ZSCAN5B: variants seen among roughly 807,000 people sequenced by gnomAD.
ZSCAN5B encodes zinc finger and SCAN domain containing 5B.
Under a neutral mutation model 25.2 loss-of-function variants are expected in ZSCAN5B, and 26 were observed. The ratio of observed to expected loss-of-function variants is 1.03; its 90% CI spans 0.76 to 1.43. ZSCAN5B has a LOEUF of 1.43. Among genes scored for constraint, ZSCAN5B ranks in the 40% most tolerant of loss-of-function variants. The probability of loss-of-function intolerance (pLI) is 0.00; values close to 1 mark genes in which losing one functional copy is unlikely to be tolerated. For synonymous variants in ZSCAN5B, 244 were observed against 240.9 expected (o/e 1.01, Z -0.12); for missense variants, 745 against 622.1 (o/e 1.20, Z -2.10).
At chr19:56,193,538 A>G (rs1483455614) in intron 1 of ZSCAN5B, among the ~76,000 whole-genome samples, 1 of 152,244 alleles carries the variant, frequency 6.6e-6, no homozygotes, top group Non-Finnish European at 1.5e-5. Context: ...ATCCAAGGCA[A>G]AGCCCTTAGT....
chr19:56,189,737 T>G, exon 5 of ZSCAN5B: 1 of 1,447,844 alleles, frequency 6.9e-7, no homozygotes, highest in Non-Finnish European at 9.2e-7. Context: ...TCCTACCAAG[T>G]GCTTTATGTG....
chr19:56,191,952 G>A lies in ZSCAN5B; in HGVS notation c.486C>T (p.Ser162=), dbSNP rs1238594345. 6 of 1,613,964 alleles carry A rather than the reference G, an allele frequency of 3.7e-6. No homozygotes were observed. In the South Asian group the frequency reaches 6.6e-5, roughly 18 times the overall value. ...GGTTCACAGAGGAGGCCCACTGGCT[G>A]GACACGTCTCTCGGATCATCTCTGA... The change falls in exon 3 of 5, where the codon TCC becomes TCT. Residue 162 remains serine (S), a synonymous_variant. Coordinates refer to ENST00000586855, the Ensembl canonical transcript of ZSCAN5B.
At chr19:56,191,182 C>T (rs1457721009) in intron 3 of ZSCAN5B, among the ~76,000 whole-genome samples, 195 bp from the exon 4 acceptor site, 2 of 152,046 alleles carry the variant, frequency 1.3e-5, no homozygotes, top group African/African-American at 2.4e-5. Context: ...CTTTGCCTGG[C>T]GGTTTTCACT....
exon 2 of ZSCAN5B, chr19:56,192,986 G>C (rs773169405): frequency 1.2e-6 from 2 of 1,607,306 alleles, no homozygotes; most frequent in Non-Finnish European, 1.7e-6. Flanking sequence ...ACAGACCGTG[G>C]AGTGTCTGAC....
chr19:56,193,974 A>C (rs1047343801), intron 1 of ZSCAN5B, among the ~76,000 whole-genome samples: 1 of 143,984 alleles, frequency 6.9e-6, no homozygotes, highest in Non-Finnish European at 1.5e-5. Context: ...AAAAAAAAAA[A>C]ATCCTATGAG....
intron 1 of ZSCAN5B, among the ~76,000 whole-genome samples, chr19:56,193,453 C>T (rs550984785): frequency 2.0e-5 from 3 of 152,290 alleles, no homozygotes; most frequent in East Asian, 1.9e-4. Context: ...TAAATTAAAT[C>T]GGATATGTAT....
Position 56,191,842 on chromosome 19 carries a change from A to G in ZSCAN5B, c.588+8T>C, listed in dbSNP as rs749505317. On this transcript the variant is annotated splice_region_variant and intron_variant, in intron 3 of 4. Transcript: ENST00000586855. Reference sequence around the variant, plus strand: ...CTCTGCCCAGACACCAAGGCCTCACACACTCACCTGCCTCCTGGACAGTGC... The same window carrying G: ...CTCTGCCCAGACACCAAGGCCTCACGCACTCACCTGCCTCCTGGACAGTGC... 2 of 1,612,610 alleles carry G rather than the reference A, an allele frequency of 1.2e-6. No homozygotes were observed. Among genetic ancestry groups the G allele is most frequent in the African/African-American group, 1.3e-5 (1 of 74,658 alleles).
chr19:56,197,625 C>T (rs2032826831), intron 1 of ZSCAN5B, 109 bp downstream of exon 1: 1 of 581,828 alleles, frequency 1.7e-6, no homozygotes, highest in Non-Finnish European at 2.2e-6. Context: ...GCTGCCTTCA[C>T]AAAGTCTCCG....
rs2032718027 is a variant in ZSCAN5B at position 56,190,591 on chromosome 19, A to T, written c.740-16T>A. 1 of 1,607,308 alleles carries T rather than the reference A, an allele frequency of 6.2e-7. No homozygotes were observed. The highest frequency in any genetic ancestry group is 2.2e-5 in the East Asian group (1 of 44,840). On this transcript the variant is annotated splice_polypyrimidine_tract_variant and intron_variant, in intron 4 of 4. Coordinates refer to ENST00000586855, the Ensembl canonical transcript of ZSCAN5B. ...CTCACCAGATCTGGTGGAAGAAGGG[A>T]TTCCACACACAACAGTTAACAAAGC...
exon 2 of ZSCAN5B, chr19:56,192,746 A>C: frequency 6.2e-7 from 1 of 1,604,590 alleles, no homozygotes; most frequent in Non-Finnish European, 8.5e-7. Flanking sequence ...ACCTTGACTA[A>C]GACCTGGAGC....
At chr19:56,190,246 A>C in exon 5 of ZSCAN5B, 1 of 1,614,172 alleles carries the variant, frequency 6.2e-7, no homozygotes, top group Non-Finnish European at 8.5e-7. Flanking sequence ...CACACGTCAC[A>C]TGCAAAGGGC....
In ZSCAN5B at chr19:56,194,822, G is replaced by T. The variant is rs867495752; in HGVS notation, c.-127-1643C>A. ...GGGTTTCACCATGTTGAACAGGCTG[G>T]TCTCAAACTCCTGACCTCGGGTGAC... On this transcript the variant is annotated intron_variant, in intron 1 of 4. Transcript: ENST00000586855. Among the ~76,000 whole-genome samples, 4 of 152,232 alleles carry T rather than the reference G, an allele frequency of 2.6e-5. No individual in the cohort carries two copies. The Middle Eastern group carries it at 0.01, about 388-fold the overall frequency.
intron 4 of ZSCAN5B, 98 bp from the exon 5 acceptor site, chr19:56,190,673 C>T: frequency 6.4e-7 from 1 of 1,552,836 alleles, no homozygotes; most frequent in African/African-American, 1.4e-5. Context: ...CTGAGAACTT[C>T]CCCTCAACCT....
intron 1 of ZSCAN5B, among the ~76,000 whole-genome samples, chr19:56,194,871 A>G (rs2032788258): frequency 6.6e-6 from 1 of 152,160 alleles, no homozygotes; most frequent in African/African-American, 2.4e-5. Flanking sequence ...CCAAAGTGCT[A>G]GGATTATAGG....
At chr19:56,191,900 G>C (rs776469184) in exon 3 of ZSCAN5B, 4 of 1,613,956 alleles carry the variant, frequency 2.5e-6, no homozygotes, top group East Asian at 2.2e-5. Flanking sequence ...TGCTCTCGGC[G>C]GGCCTGGCCT....
At chr19:56,190,676 C>T in intron 4 of ZSCAN5B, 101 bp from the exon 5 acceptor site, 1 of 1,552,736 alleles carries the variant, frequency 6.4e-7, no homozygotes, top group Non-Finnish European at 8.7e-7. Context: ...AGAACTTCCC[C>T]TCAACCTCAA....
intron 1 of ZSCAN5B, among the ~76,000 whole-genome samples, chr19:56,195,016 C>T (rs1411966424): frequency 6.6e-6 from 1 of 152,162 alleles, no homozygotes; most frequent in East Asian, 1.9e-4. Context: ...TATGAGAACA[C>T]AGCCCTGCTT....
chr19:56,193,677 G>C (rs551179603), intron 1 of ZSCAN5B, among the ~76,000 whole-genome samples: 1 of 152,194 alleles, frequency 6.6e-6, no homozygotes, highest in Non-Finnish European at 1.5e-5. Context: ...AAAATCCTAT[G>C]AGAGGCCGGG....
exon 3 of ZSCAN5B, chr19:56,191,923 A>G: frequency 1.9e-6 from 3 of 1,613,988 alleles, no homozygotes; most frequent in Non-Finnish European, 2.5e-6. Context: ...CCCCGGATGC[A>G]TCTGGTTCAC....
Sources: allele counts gnomAD v4.1 joint callset (sites outside exome capture counted in the v4.1 genomes callset), GRCh38; gene constraint gnomAD v4.1.1; transcripts MANE v1.5; gene names NCBI Gene and HGNC (gene_info 2026-07-23, HGNC 2026-07-21).